The following RARS1 variants were observed in gnomAD, a reference collection of about 807,000 sequenced individuals.
The protein encoded by RARS1 is arginine--tRNA ligase, cytoplasmic.
Under a neutral mutation model 78.7 loss-of-function variants are expected in RARS1, and 75 were observed. The ratio of observed to expected loss-of-function variants is 0.95; its 90% confidence interval spans 0.79 to 1.15. The LOEUF (loss-of-function observed/expected upper bound fraction) is 1.15. Ranked by LOEUF, RARS1 falls within the 50% of genes most tolerant of loss-of-function variation. RARS1 has a pLI of 0.00. For synonymous variants in RARS1, 273 were observed against 268.2 expected (o/e 1.02, Z -0.18); for missense variants, 787 against 787.5 (o/e 1.00, Z 0.01).
chr5:168,509,449 C>T (rs796102598), intron 11 of RARS1, among the ~76,000 whole-genome samples: 1 of 145,700 alleles, frequency 6.9e-6, no homozygotes, highest in African/African-American at 2.6e-5. Context: ...CCCCCCCCCC[C>T]CCACCAAAAA....
At chr5:168,502,384 A>ATATATATTT (rs1280220276) in intron 9 of RARS1, among the ~76,000 whole-genome samples, 1 of 127,246 alleles carries the variant, frequency 7.9e-6, no homozygotes, top group African/African-American at 3.2e-5. Context: ...ATATATATAT[A>ATATATATTT]TTTTTTTTTT....
chr5:168,486,613 CTTCGGGGGCGG>C, intron 1 of RARS1, 70 bp downstream of exon 1: 1 of 1,514,678 alleles, frequency 6.6e-7, no homozygotes, highest in Non-Finnish European at 8.9e-7. Flanking sequence ...GCCCAAGCGG[CTTCGGGGGCGG>C]GACAGCTAGG....
intron 11 of RARS1, among the ~76,000 whole-genome samples, chr5:168,507,712 C>A (rs749457694): frequency 2.6e-5 from 4 of 152,120 alleles, no homozygotes; most frequent in African/African-American, 4.8e-5. Context: ...AATTGCGTTT[C>A]TTCTCCGTGG....
chr5:168,502,384 A>ATATATATATTTTTTTTTTTTTT (rs1280220276), intron 9 of RARS1, among the ~76,000 whole-genome samples: 1 of 127,246 alleles, frequency 7.9e-6, no homozygotes, highest in African/African-American at 3.2e-5. Context: ...ATATATATAT[A>ATATATATATTTTTTTTTTTTTT]TTTTTTTTTT....
Position 168,495,227 on chromosome 5 carries a change from A to G in RARS1, c.580-88A>G, listed in dbSNP as rs1017466441. 6 of 1,493,222 alleles carry G rather than the reference A, an allele frequency of 4.0e-6. No homozygotes were observed. The Admixed American group carries it at 1.0e-4, about 25-fold the overall frequency. 92.5% of individuals were successfully genotyped at this position (1,493,222 alleles called of 1,614,324 possible). On this transcript the variant is annotated intron_variant, in intron 5 of 14. Coordinates refer to ENST00000231572, the MANE Select transcript of RARS1 (RefSeq NM_002887.4). ...ATGTGTTATTAATGAATGCATTGGAACAAAATGTTTATGCTCCTCTTAAAA... is the reference window on the plus strand; with the variant it reads ...ATGTGTTATTAATGAATGCATTGGAGCAAAATGTTTATGCTCCTCTTAAAA...
intron 7 of RARS1, among the ~76,000 whole-genome samples, chr5:168,500,200 CAAA>C (rs36015007): frequency 2.1e-5 from 1 of 47,796 alleles, no homozygotes; most frequent in Non-Finnish European, 3.7e-5. Context: ...GACTCTGTCT[CAAA>C]AAAAAAAAAA....
chr5:168,517,984 G>A lies in RARS1; in HGVS notation c.1795G>A (p.Asp599Asn). The A allele has an allele frequency of 6.3e-7, 1 of 1,592,222 alleles. No individual in the cohort carries two copies. The highest frequency in any genetic ancestry group is 8.6e-7 in the Non-Finnish European group (1 of 1,167,662). Reference sequence around the variant, plus strand: ...TGACTTATTTCTCCACACTCTCTGTGATTATATATATGAGCTGGCAACTGC... The same window carrying A: ...TGACTTATTTCTCCACACTCTCTGTAATTATATATATGAGCTGGCAACTGC... ...LDDLFLHTLCDYIYELATAFT... is the reference protein window; with the variant it reads ...LDDLFLHTLCNYIYELATAFT... Residue 599 changes from aspartate to asparagine, a missense_variant, in exon 14 of 15, where the codon GAT becomes AAT. Transcript: ENST00000231572.
At chr5:168,508,734 T>C (rs1758500948) in intron 11 of RARS1, among the ~76,000 whole-genome samples, 2 of 152,192 alleles carry the variant, frequency 1.3e-5, no homozygotes, top group Non-Finnish European at 2.9e-5. Flanking sequence ...TCTGTTTTAA[T>C]TTTTTGAATG....
chr5:168,518,069 G>GTCTT lies in RARS1; in HGVS notation c.1873+9_1873+12dup. 1.5e-6 allele frequency: 1 copy of GTCTT among 675,710 alleles called. No homozygotes were observed. The highest frequency in any genetic ancestry group is 1.9e-6 in the Non-Finnish European group (1 of 533,972). The allele number at this position is 675,710 out of a possible 1,614,324, so 41.9% of individuals were successfully genotyped here. A position where few individuals can be genotyped will look rare whatever the true frequency, so the allele number is the denominator to read the frequency against. On this transcript the variant is annotated splice_region_variant and intron_variant, in intron 14 of 14. Transcript: ENST00000231572. Reference sequence around the variant, plus strand: ...GAGAAAGATAGACAGACTGGTGAGTGTCTTTTTTTTTTTTTTTTTTTTTTT... The same window carrying GTCTT: ...GAGAAAGATAGACAGACTGGTGAGTGTCTTTCTTTTTTTTTTTTTTTTTTTTTTT...
chr5:168,502,302 G>A (rs1208349250), intron 9 of RARS1, among the ~76,000 whole-genome samples, 197 bp downstream of exon 9: 3 of 149,172 alleles, frequency 2.0e-5, no homozygotes, highest in Non-Finnish European at 4.4e-5. Context: ...TTTGGTATAT[G>A]TCTCTGAAAG....
chr5:168,488,922 G>A (rs910340094), intron 2 of RARS1, among the ~76,000 whole-genome samples, 186 bp downstream of exon 2: 5 of 152,314 alleles, frequency 3.3e-5, no homozygotes, highest in African/African-American at 1.2e-4. Context: ...TGACAAGTTG[G>A]TGTTGTCCTG....
intron 2 of RARS1, among the ~76,000 whole-genome samples, chr5:168,490,975 A>G (rs893997168): frequency 1.4e-4 from 22 of 152,170 alleles, no homozygotes; most frequent in Middle Eastern, 3.4e-3. Flanking sequence ...TGTCTCTACT[A>G]AAAATACAAA....
At chr5:168,516,757 A>G in intron 12 of RARS1, 21 bp from the exon 13 acceptor site, 1 of 1,612,804 alleles carries the variant, frequency 6.2e-7, no homozygotes, top group Non-Finnish European at 8.5e-7. Context: ...GCTATGAAAT[A>G]CTGTTTTGTT....
intron 8 of RARS1, 93 bp from the exon 9 acceptor site, chr5:168,501,908 A>G: frequency 6.8e-7 from 1 of 1,462,716 alleles, no homozygotes; most frequent in South Asian, 1.4e-5. Flanking sequence ...TAATATTTGT[A>G]TTAATAAATT....
intron 2 of RARS1, 26 bp from the exon 3 acceptor site, chr5:168,492,633 G>A: frequency 6.6e-7 from 1 of 1,525,434 alleles, no homozygotes; most frequent in South Asian, 1.1e-5. Context: ...GTACATTATT[G>A]ACATGTTTCC....
intron 12 of RARS1, among the ~76,000 whole-genome samples, chr5:168,516,001 A>G (rs1758659405): frequency 6.6e-6 from 1 of 152,014 alleles, no homozygotes; most frequent in African/African-American, 2.4e-5. Flanking sequence ...CCTCAGCAAG[A>G]CCACTTCTTT....
intron 11 of RARS1, among the ~76,000 whole-genome samples, chr5:168,507,869 A>G (rs973263484): frequency 1.0e-4 from 15 of 147,734 alleles, no homozygotes; most frequent in African/African-American, 2.3e-4. Context: ...GTGAAACCCC[A>G]TATCTGCCAA....
intron 2 of RARS1, among the ~76,000 whole-genome samples, chr5:168,490,337 G>A (rs1032448800): frequency 2.6e-5 from 4 of 152,020 alleles, no homozygotes; most frequent in African/African-American, 7.3e-5. Context: ...TGTCTAATAT[G>A]TGCTAGAGAC....
Position 168,506,064 on chromosome 5 carries a change from A to G in RARS1, c.1101A>G (p.Pro367=). ...VDDGRKIVFV[P]GCSIPLTIVK... ...ATGGCAGAAAGATTGTATTTGTCCC[A>G]GGGTGTTCCATACCATTAACCATAG... is the stretch of plus-strand genomic sequence containing the variant. Residue 367 remains proline (P), a synonymous_variant, in exon 10 of 15, where the codon CCA becomes CCG. Transcript: ENST00000231572. 8 of 1,607,816 alleles carry G rather than the reference A, an allele frequency of 5.0e-6. No individual in the cohort carries two copies. Among genetic ancestry groups the G allele is most frequent in the Non-Finnish European group, 6.8e-6 (8 of 1,177,616 alleles).
Sources: gnomAD v4.1 joint callset for allele counts (sites outside exome capture counted in the v4.1 genomes callset) on GRCh38, gnomAD v4.1.1 for gene constraint, MANE v1.5 for transcripts, NCBI Gene and HGNC (gene_info 2026-07-23, HGNC 2026-07-21) for gene names.